The following TMEM156 variants were observed in gnomAD, a reference collection of about 807,000 sequenced individuals.
TMEM156 encodes the protein transmembrane protein 156.
TMEM156 carries 28 observed loss-of-function variants against 30.5 expected under a neutral mutation model. The observed-to-expected ratio is 0.92, with a 90% CI of 0.68 to 1.26. TMEM156 has a LOEUF of 1.26. TMEM156 is among the 50% of genes most tolerant of loss of function. The pLI is 0.00. For synonymous variants in TMEM156, 137 were observed against 119.9 expected, an observed-to-expected ratio of 1.14 and a Z score of -0.93; for missense variants, 351 against 340.6, an observed-to-expected ratio of 1.03 and a Z score of -0.24.
intron 2 of TMEM156, among the ~76,000 whole-genome samples, 193 bp from the exon 3 acceptor site, chr4:38,994,191 C>T (rs139993615): frequency 2.1e-4 from 32 of 152,256 alleles, no homozygotes; most frequent in Admixed American, 8.5e-4. Context: ...GTGGCGTAAT[C>T]ATGGCTCACT....
chr4:39,029,869 TTTTTATTATTATTA>T (rs1464090864), intron 1 of TMEM156, among the ~76,000 whole-genome samples: 7 of 151,858 alleles, frequency 4.6e-5, no homozygotes, highest in Admixed American at 1.3e-4. Context: ...AAAATAATGG[TTTTTATTATTATTA>T]TTTTATTATT....
chr4:38,992,476 G>A (rs1280310257), intron 3 of TMEM156, among the ~76,000 whole-genome samples: 1 of 151,428 alleles, frequency 6.6e-6, no homozygotes, highest in Non-Finnish European at 1.5e-5. Flanking sequence ...ACAGAATTAA[G>A]TTATGCAAGT....
chr4:39,029,309 G>A (rs1715384765), intron 1 of TMEM156, among the ~76,000 whole-genome samples: 1 of 152,044 alleles, frequency 6.6e-6, no homozygotes, highest in Admixed American at 6.5e-5. Flanking sequence ...AGAAACGAAT[G>A]GAGTAAGACT....
intron 5 of TMEM156, among the ~76,000 whole-genome samples, chr4:38,973,692 TTAAC>T (rs1177582663): frequency 3.9e-5 from 6 of 152,340 alleles, no homozygotes; most frequent in East Asian, 1.9e-4. Flanking sequence ...TTCTGATCAC[TTAAC>T]TAACTGTGTT....
At chr4:38,974,978 A>G (rs1722778656) in intron 5 of TMEM156, among the ~76,000 whole-genome samples, 1 of 152,032 alleles carries the variant, frequency 6.6e-6, no homozygotes, top group South Asian at 2.1e-4. Context: ...TGATCTGAAG[A>G]TTTTTAAAAT....
At chr4:39,002,309 A>T (rs1196317420) in intron 1 of TMEM156, among the ~76,000 whole-genome samples, 1 of 152,196 alleles carries the variant, frequency 6.6e-6, no homozygotes, top group Admixed American at 6.5e-5. Flanking sequence ...GCCATCAGAG[A>T]AATGCAAATC....
intron 1 of TMEM156, among the ~76,000 whole-genome samples, chr4:39,008,351 T>G (rs1713885816): frequency 1.3e-5 from 2 of 152,178 alleles, no homozygotes. Context: ...TTGAATGCTC[T>G]TTCAACAATT....
At chr4:38,972,003 G>A (rs374336454) in intron 5 of TMEM156, among the ~76,000 whole-genome samples, 2 of 151,974 alleles carry the variant, frequency 1.3e-5, no homozygotes, top group South Asian at 4.2e-4. Context: ...TGATCAGGCT[G>A]GTCTGGAACT....
intron 1 of TMEM156, among the ~76,000 whole-genome samples, chr4:39,017,917 A>C (rs926763330): frequency 3.3e-5 from 5 of 152,086 alleles, no homozygotes; most frequent in African/African-American, 1.2e-4. Flanking sequence ...ATTTCCGGAA[A>C]TTGCTTTTTT....
intron 1 of TMEM156, among the ~76,000 whole-genome samples, chr4:39,000,174 G>T (rs1263491028): frequency 6.6e-6 from 1 of 152,152 alleles, no homozygotes; most frequent in East Asian, 1.9e-4. Context: ...TGGGCAGATT[G>T]CTTGAGCTCA....
At position 38,994,017 on chromosome 4, in the gene TMEM156, A is replaced by C. The variant is rs764961059; in HGVS notation, c.359-19T>G. The C allele has an allele frequency of 6.2e-7, 1 of 1,600,180 alleles. No homozygotes were observed. Among genetic ancestry groups the C allele is most frequent in the Admixed American group, 1.7e-5 (1 of 58,922 alleles). On this transcript the variant is annotated intron_variant, in intron 2 of 6. Transcript: ENST00000381938. ...ATAAGAACTAGAAAGTGATTAAGAA[A>C]ATGTTATTTGCAAAATATTAATACA... is the stretch of plus-strand genomic sequence containing the variant.
At chr4:39,007,713 T>C (rs1043616334) in intron 1 of TMEM156, among the ~76,000 whole-genome samples, 1 of 152,166 alleles carries the variant, frequency 6.6e-6, no homozygotes, top group African/African-American at 2.4e-5. Flanking sequence ...TGCCTCGGCC[T>C]CCCAAAGTGC....
chr4:38,991,778 TG>T (rs1235161825), intron 3 of TMEM156, among the ~76,000 whole-genome samples: 6 of 152,274 alleles, frequency 3.9e-5, no homozygotes, highest in African/African-American at 7.2e-5. Flanking sequence ...AAATGTACAT[TG>T]AAAAAAATAT....
intron 2 of TMEM156, 143 bp downstream of exon 2, chr4:38,998,497 T>C (rs1022235006): frequency 6.2e-6 from 4 of 646,828 alleles, no homozygotes; most frequent in African/African-American, 1.9e-5. Flanking sequence ...TGAGCTGAGA[T>C]TGCACCACTG....
intron 1 of TMEM156, among the ~76,000 whole-genome samples, chr4:39,005,722 T>A (rs938620934): frequency 6.6e-6 from 1 of 152,202 alleles, no homozygotes; most frequent in Non-Finnish European, 1.5e-5. Context: ...GTAAATTATA[T>A]GTCTGTGAAG....
rs535849707 is a variant in TMEM156 at position 38,980,705 on chromosome 4, T to C, written c.823+5631A>G. ...GAGAATCGACCTAGTCCAGGAGGTCTGAAACAACTTCGTTAGTTAAGCCAA... is the reference window on the plus strand; with the variant it reads ...GAGAATCGACCTAGTCCAGGAGGTCCGAAACAACTTCGTTAGTTAAGCCAA... On this transcript the variant is annotated intron_variant, in intron 5 of 6. Transcript: ENST00000381938. Among the ~76,000 whole-genome samples the C allele has an allele frequency of 2.6e-5, 4 of 152,264 alleles. No homozygotes were observed. In the East Asian group the frequency reaches 7.7e-4, roughly 29 times the overall value.
chr4:38,973,639 C>T (rs113155691), intron 5 of TMEM156, among the ~76,000 whole-genome samples: 5 of 152,046 alleles, frequency 3.3e-5, no homozygotes, highest in African/African-American at 4.8e-5. Flanking sequence ...CTGCAGAATA[C>T]GTGATCATTT....
intron 1 of TMEM156, among the ~76,000 whole-genome samples, chr4:39,007,781 C>A (rs1163756704): frequency 6.6e-6 from 1 of 151,956 alleles, no homozygotes; most frequent in East Asian, 1.9e-4. Context: ...ATGTAGAGTT[C>A]TTTGGTTTCT....
chr4:39,019,022 AAAAAAC>A lies in TMEM156; in HGVS notation c.88+13198_88+13203del, dbSNP rs201322855. Among the ~76,000 whole-genome samples, 134 of 83,512 alleles carry A rather than the reference AAAAAAC, an allele frequency of 1.6e-3. 2 individuals are homozygous for A. The highest frequency in any genetic ancestry group is 3.5e-3 in the Admixed American group (28 of 7,904). The allele number at this position is 83,512 out of a possible 152,430, so 54.8% of individuals were successfully genotyped here. ...GGCGACAGAGCGAGACTCCATCTTA[AAAAAAC>A]AAAACAAAAAAAAAAAAAAAACCTC... On this transcript the variant is annotated intron_variant, in intron 1 of 6. Transcript: ENST00000381938.
Sources: gnomAD v4.1 joint callset for allele counts (sites outside exome capture counted in the v4.1 genomes callset) on GRCh38, gnomAD v4.1.1 for gene constraint, MANE v1.5 for transcripts, NCBI Gene and HGNC (gene_info 2026-07-23, HGNC 2026-07-21) for gene names.